The following CRB2 variants were observed in gnomAD, a reference collection of about 807,000 sequenced individuals.
The protein encoded by CRB2 is protein crumbs homolog 2.
A neutral mutation model predicts 110.9 loss-of-function variants in CRB2; 85 were observed. That is an observed-to-expected ratio of 0.77 (90% CI 0.64 to 0.92). The LOEUF (loss-of-function observed/expected upper bound fraction) is 0.92. Among genes scored for constraint, CRB2 ranks in the 40% least tolerant of loss-of-function variants. The pLI, the probability that CRB2 is intolerant of heterozygous loss-of-function variation, is 0.00. For missense variants in CRB2, 1,843 were observed against 1,851.3 expected, an observed-to-expected ratio of 1.00 and a Z score of 0.08; for synonymous variants, 907 against 831.0, an observed-to-expected ratio of 1.09 and a Z score of -1.57.
Position 123,377,368 on chromosome 9 carries a change from G to C in CRB2, c.*306G>C. Reference sequence around the variant, plus strand: ...TTCAGGAGTGTGTGTATCTGGAGGAGTGTGTGTGTGAGTGTGTACCTGGGC... The same window carrying C: ...TTCAGGAGTGTGTGTATCTGGAGGACTGTGTGTGTGAGTGTGTACCTGGGC... On this transcript the variant is annotated 3_prime_UTR_variant, in exon 13 of 13. Transcript: ENST00000373631. 1 of 327,986 alleles carries C rather than the reference G, an allele frequency of 3.0e-6. No individual in the cohort carries two copies. Among genetic ancestry groups the C allele is most frequent in the Non-Finnish European group, 5.6e-6 (1 of 179,074 alleles). 20.3% of individuals were successfully genotyped at this position (327,986 alleles called of 1,614,324 possible).
intron 2 of CRB2, among the ~76,000 whole-genome samples, chr9:123,365,466 G>A (rs931520138): frequency 3.3e-5 from 5 of 152,098 alleles, no homozygotes; most frequent in Non-Finnish European, 7.4e-5. Flanking sequence ...TCATGGCCCT[G>A]CCCCTAGTGG....
rs1368399695 is a variant in CRB2, at chr9:123,363,129, G to C, written c.359G>C (p.Gly120Ala). ...DECASRPCHH[G>A]ATCRNLADRY... Reference sequence around the variant, plus strand: ...TGTGCATCCCGGCCGTGCCACCATGGGGCCACCTGCCGCAACCTGGCCGAT... The same window carrying C: ...TGTGCATCCCGGCCGTGCCACCATGCGGCCACCTGCCGCAACCTGGCCGAT... The change falls in exon 2 of 13, where the codon GGG (glycine) becomes GCG (alanine). Residue 120 changes from glycine to alanine, a missense_variant. Transcript: ENST00000373631. 1.2e-6 allele frequency: 2 copies of C among 1,610,706 alleles called. No homozygotes were observed. The highest frequency in any genetic ancestry group is 4.5e-5 in the East Asian group (2 of 44,864).
At chr9:123,375,455 T>C in intron 12 of CRB2, 112 bp downstream of exon 12, 1 of 1,304,352 alleles carries the variant, frequency 7.7e-7, no homozygotes, top group South Asian at 1.7e-5. Context: ...CACTCTGTCA[T>C]GGGGTGGGGC....
intron 10 of CRB2, chr9:123,374,168 A>T: frequency 1.5e-6 from 1 of 652,950 alleles, no homozygotes; most frequent in Non-Finnish European, 2.7e-6. Context: ...TGCCGCTTAC[A>T]CGGAGGTTCA....
chr9:123,374,590 C>T lies in CRB2; in HGVS notation c.3401C>T (p.Pro1134Leu). 6.2e-7 allele frequency: 1 copy of T among 1,613,142 alleles called. No homozygotes were observed. The highest frequency in any genetic ancestry group is 8.5e-7 in the Non-Finnish European group (1 of 1,179,640). Residue 1134 changes from proline (P) to leucine (L), a missense_variant, in exon 11 of 13, where the codon CCA becomes CTA. Coordinates refer to ENST00000373631, the MANE Select transcript of CRB2 (RefSeq NM_173689.7). ...FGGPRCRLPV[P>L]SKECSLNVTC... ...TGCTCTCTCCCCAGGTTGCCTGTCCCATCCAAGGAGTGCAGCCTGAATGTC... is the reference window on the plus strand; with the variant it reads ...TGCTCTCTCCCCAGGTTGCCTGTCCTATCCAAGGAGTGCAGCCTGAATGTC...
chr9:123,364,819 G>A (rs1376912136), intron 2 of CRB2, among the ~76,000 whole-genome samples: 3 of 152,296 alleles, frequency 2.0e-5, no homozygotes, highest in South Asian at 2.1e-4. Flanking sequence ...CTCAGCTGTC[G>A]TGATTCGCCC....
chr9:123,359,215 G>C (rs1262908746), intron 1 of CRB2, among the ~76,000 whole-genome samples: 1 of 152,056 alleles, frequency 6.6e-6, no homozygotes, highest in Non-Finnish European at 1.5e-5. Context: ...TGATGACTGA[G>C]TGAGTGTCTG....
In CRB2 at chr9:123,377,805, G is replaced by A. The variant is rs1389850708; in HGVS notation, c.*743G>A. ...TCAGCCGGAGCAGCCCGAGGGAGCAGAGGAGGGGCTGCCTGGAGCTTCCCA... is the reference window on the plus strand; with the variant it reads ...TCAGCCGGAGCAGCCCGAGGGAGCAAAGGAGGGGCTGCCTGGAGCTTCCCA... On this transcript the variant is annotated 3_prime_UTR_variant, in exon 13 of 13. Coordinates refer to ENST00000373631, the MANE Select transcript of CRB2 (RefSeq NM_173689.7). The A allele has an allele frequency of 6.6e-6, 1 of 152,344 alleles. No homozygotes were observed. Among genetic ancestry groups the A allele is most frequent in the Non-Finnish European group, 1.5e-5 (1 of 68,110 alleles). 9.4% of individuals were successfully genotyped at this position (152,344 alleles called of 1,614,324 possible).
Position 123,356,284 on chromosome 9 carries a change from C to G in CRB2, c.24C>G (p.Thr8=). 6.5e-7 allele frequency: 1 copy of G among 1,539,134 alleles called. No homozygotes were observed. The highest frequency in any genetic ancestry group is 8.7e-7 in the Non-Finnish European group (1 of 1,143,628). The change falls in exon 1 of 13, where the codon ACC becomes ACG. Residue 8 remains threonine (T), a synonymous_variant. Transcript: ENST00000373631. ...CCATGGCGCTGGCCAGGCCTGGGAC[C>G]CCGGACCCCCAGGCCCTGGCCTCTG... MALARPG[T]PDPQALASVL...
rs1342540816 is a variant in CRB2 at position 123,378,574 on chromosome 9, G to A, written c.*1512G>A. 2 of 152,188 alleles carry A rather than the reference G, an allele frequency of 1.3e-5. No homozygotes were observed. The highest frequency in any genetic ancestry group is 2.9e-5 in the Non-Finnish European group (2 of 68,068). 9.4% of individuals were successfully genotyped at this position (152,188 alleles called of 1,614,324 possible). On this transcript the variant is annotated 3_prime_UTR_variant, in exon 13 of 13. Transcript: ENST00000373631. Reference sequence around the variant, plus strand: ...GAACACCAGGCTCAGGGGCTTGCTTGGTCCTTATCCTGTAGGAGGTGGGAC... The same window carrying A: ...GAACACCAGGCTCAGGGGCTTGCTTAGTCCTTATCCTGTAGGAGGTGGGAC...
chr9:123,377,126 G>A lies in CRB2; in HGVS notation c.*64G>A, dbSNP rs957669561. ...AATGGTTTCTACCTGGAGACCCAAGGAAGCTGCTTCCAGGGCTCGGGACAT... is the reference window on the plus strand; with the variant it reads ...AATGGTTTCTACCTGGAGACCCAAGAAAGCTGCTTCCAGGGCTCGGGACAT... On this transcript the variant is annotated 3_prime_UTR_variant, in exon 13 of 13. Transcript: ENST00000373631. The A allele has an allele frequency of 1.4e-6, 2 of 1,393,568 alleles. No homozygotes were observed. Among genetic ancestry groups the A allele is most frequent in the Non-Finnish European group, 1.9e-6 (2 of 1,042,344 alleles). 86.3% of individuals were successfully genotyped at this position (1,393,568 alleles called of 1,614,324 possible).
rs1305258773 is a variant in CRB2 at position 123,370,850 on chromosome 9, C to T, written c.1797C>T (p.Val599=). 1.2e-6 allele frequency: 2 copies of T among 1,608,576 alleles called. No individual in the cohort carries two copies. The highest frequency in any genetic ancestry group is 1.7e-6 in the Non-Finnish European group (2 of 1,180,006). The change falls in exon 7 of 13, where the codon GTC becomes GTT. Residue 599 remains valine, a synonymous_variant. Transcript: ENST00000373631. ...LLLPEDLGEN[V]LLGCERREQC... is the part of the protein sequence containing the mutation. ...TGCCTGAGGATCTCGGTGAGAACGT[C>T]CTCCTGGGCTGTGAGCGCCGAGAGC...
At chr9:123,361,145 G>T (rs1213063481) in intron 1 of CRB2, among the ~76,000 whole-genome samples, 12 of 151,712 alleles carry the variant, frequency 7.9e-5, no homozygotes, top group African/African-American at 2.9e-4. Flanking sequence ...GGAGGGGGGG[G>T]GGTTCCTTGC....
chr9:123,371,176 T>C lies in CRB2; in HGVS notation c.2034T>C (p.Thr678=). ...TCACAGTGTCTTTCCTTCTCCGCAC[T>C]CGGGAGTCCGCTGGCCTGTTGCTCC... is the stretch of plus-strand genomic sequence containing the variant. ...PNLTVSFLLR[T]RESAGLLLQF... The change falls in exon 8 of 13, where the codon ACT becomes ACC. Residue 678 remains threonine, a synonymous_variant. Transcript: ENST00000373631. The C allele has an allele frequency of 6.2e-7, 1 of 1,613,786 alleles. No individual in the cohort carries two copies. Among genetic ancestry groups the C allele is most frequent in the Non-Finnish European group, 8.5e-7 (1 of 1,180,034 alleles).
Position 123,371,142 on chromosome 9 carries a change from G to T in CRB2, c.2000G>T (p.Gly667Val). The T allele has an allele frequency of 1.2e-6, 2 of 1,613,614 alleles. No individual in the cohort carries two copies. The highest frequency in any genetic ancestry group is 1.7e-6 in the Non-Finnish European group (2 of 1,180,032). The change falls in exon 8 of 13, where the codon GGT becomes GTT. Residue 667 changes from glycine (G) to valine (V), a missense_variant. Physicochemically the swap from Gly to Val is moderately radical, Grantham distance 109 (BLOSUM62 -3). Transcript: ENST00000373631. ...SASFLLQELP[G>V]PNLTVSFLLR... is the part of the protein sequence containing the mutation. ...TCCTTTCTGCTCCAAGAGCTGCCAG[G>T]TCCCAACCTCACAGTGTCTTTCCTT...
upstream of CRB2, among the ~76,000 whole-genome samples, chr9:123,354,902 A>G (rs113445273): frequency 0.021 from 3,271 of 152,212 alleles, 118 homozygotes; most frequent in African/African-American, 0.075. Flanking sequence ...CCTCCCCTGC[A>G]CTGCAGGGGA....
chr9:123,361,958 C>A (rs1037363391), intron 1 of CRB2, among the ~76,000 whole-genome samples: 1 of 152,142 alleles, frequency 6.6e-6, no homozygotes, highest in Non-Finnish European at 1.5e-5. Flanking sequence ...GCTTCCAAGC[C>A]GGTTGGTGAC....
chr9:123,362,613 T>C (rs2041880967), intron 1 of CRB2, among the ~76,000 whole-genome samples: 1 of 152,124 alleles, frequency 6.6e-6, no homozygotes, highest in Non-Finnish European at 1.5e-5. Context: ...TGCTCACTAA[T>C]CCTGCCCAGA....
In CRB2 at chr9:123,363,073, G is replaced by C. The variant is rs200655246; in HGVS notation, c.303G>C (p.Gln101His). Residue 101 changes from glutamine to histidine, a missense_variant, in exon 2 of 13, where the codon CAG becomes CAC. Coordinates refer to ENST00000373631, the MANE Select transcript of CRB2 (RefSeq NM_173689.7). ...GCTGCTACTGCGTGCCGGGTTTCCA[G>C]GGCCCACGCTGCGAGCTGGACATCG... ...GFRCYCVPGF[Q>H]GPRCELDIDE... is the part of the protein sequence containing the mutation. 1.9e-6 allele frequency: 3 copies of C among 1,611,620 alleles called. No homozygotes were observed. Among genetic ancestry groups the C allele is most frequent in the African/African-American group, 2.7e-5 (2 of 75,058 alleles).
Sources: allele counts gnomAD v4.1 joint callset (sites outside exome capture counted in the v4.1 genomes callset), GRCh38; gene constraint gnomAD v4.1.1; transcripts MANE v1.5; gene names NCBI Gene and HGNC (gene_info 2026-07-23, HGNC 2026-07-21).